The following CDH13 variants were observed in gnomAD, a reference collection of about 807,000 sequenced individuals.
CDH13 encodes cadherin 13, also known as cadherin-13.
CDH13 carries 24 observed loss-of-function variants against 63.8 expected under a neutral mutation model. The observed-to-expected ratio is 0.38, with a 90% confidence interval of 0.27 to 0.53. The LOEUF is 0.53. Among genes scored for constraint, CDH13 ranks in the 20% least tolerant of loss-of-function variants. The pLI is 0.85. For synonymous variants in CDH13, 503 were observed against 355.3 expected, an observed-to-expected ratio of 1.42 and a Z score of -4.67; for missense variants, 1,049 against 903.1, an observed-to-expected ratio of 1.16 and a Z score of -2.07.
rs75877443 is a variant in CDH13, at chr16:82,714,338, C to T, written c.45+87201C>T. Among the ~76,000 whole-genome samples, 7 of 152,194 alleles carry T rather than the reference C, an allele frequency of 4.6e-5. No individual in the cohort carries two copies. In the East Asian group the frequency reaches 1.4e-3, roughly 29 times the overall value. Reference sequence around the variant, plus strand: ...GATCTGTAAATGTAACACTATTTGGCAACAGGGTCTTTGCAGATAATCAAA... The same window carrying T: ...GATCTGTAAATGTAACACTATTTGGTAACAGGGTCTTTGCAGATAATCAAA... On this transcript the variant is annotated intron_variant, in intron 1 of 13. Coordinates refer to ENST00000567109, the MANE Select transcript of CDH13 (RefSeq NM_001257.5).
intron 4 of CDH13, among the ~76,000 whole-genome samples, chr16:83,148,311 G>A (rs1435401441): frequency 2.7e-5 from 4 of 147,560 alleles, no homozygotes; most frequent in Admixed American, 2.7e-4. Flanking sequence ...GTGGTACCAT[G>A]TAGACAACAT....
chr16:83,560,822 G>T (rs1192521401), intron 7 of CDH13, among the ~76,000 whole-genome samples: 1 of 151,928 alleles, frequency 6.6e-6, no homozygotes, highest in Non-Finnish European at 1.5e-5. Flanking sequence ...ATATGAGTTG[G>T]TTCCCCTTTG....
chr16:83,568,190 G>C lies in CDH13; in HGVS notation c.961-34264G>C, dbSNP rs1441052945. Among the ~76,000 whole-genome samples the C allele has an allele frequency of 2.9e-4, 43 of 149,484 alleles. 1 individual carries two copies. Among genetic ancestry groups the C allele is most frequent in the Admixed American group, 2.8e-3 (42 of 15,092 alleles). ...AAATGACACTCACCCCAAAACAAAA[G>C]GAAAAAAAAAAGCTGATCTGATGTA... On this transcript the variant is annotated intron_variant, in intron 7 of 13. Transcript: ENST00000567109.
intron 4 of CDH13, among the ~76,000 whole-genome samples, chr16:83,206,031 T>C (rs1166659950): frequency 6.6e-6 from 1 of 152,162 alleles, no homozygotes; most frequent in Non-Finnish European, 1.5e-5. Flanking sequence ...AGCCTTGTGC[T>C]GGTTACATAT....
intron 3 of CDH13, among the ~76,000 whole-genome samples, chr16:83,082,912 A>G (rs895486226): frequency 6.6e-6 from 1 of 152,252 alleles, no homozygotes; most frequent in Non-Finnish European, 1.5e-5. Flanking sequence ...TGCAAAGGGA[A>G]AAATGATTTA....
In CDH13 at chr16:82,937,472, A is replaced by G. The variant is rs1054131068; in HGVS notation, c.157+78999A>G. ...ACACACACACACACAGTCTAGCTGA[A>G]TCACGAATTCCGTGAGAACAGAGTC... On this transcript the variant is annotated intron_variant, in intron 2 of 13. Transcript: ENST00000567109. Among the ~76,000 whole-genome samples the G allele has an allele frequency of 2.6e-5, 4 of 152,236 alleles. No homozygotes were observed. In the South Asian group the frequency reaches 6.2e-4, roughly 24 times the overall value.
chr16:83,633,468 C>G (rs1168943171), intron 8 of CDH13, among the ~76,000 whole-genome samples: 1 of 152,212 alleles, frequency 6.6e-6, no homozygotes, highest in Non-Finnish European at 1.5e-5. Flanking sequence ...TTCTAACAGT[C>G]TTTCCAGTTA....
At chr16:82,689,496 C>G (rs1437826050) in intron 1 of CDH13, among the ~76,000 whole-genome samples, 3 of 152,104 alleles carry the variant, frequency 2.0e-5, no homozygotes, top group African/African-American at 7.2e-5. Flanking sequence ...ATCTCACAAT[C>G]TAGGTTTATT....
intron 11 of CDH13, among the ~76,000 whole-genome samples, chr16:83,749,653 A>G (rs943489306): frequency 6.6e-6 from 1 of 152,340 alleles, no homozygotes; most frequent in African/African-American, 2.4e-5. Context: ...GACAATGTTC[A>G]GCAACTGAGA....
intron 3 of CDH13, among the ~76,000 whole-genome samples, chr16:83,062,183 G>T (rs572788640): frequency 6.6e-6 from 1 of 152,146 alleles, no homozygotes; most frequent in East Asian, 1.9e-4. Flanking sequence ...TCATTTTACT[G>T]TCTGGTTAAA....
intron 3 of CDH13, among the ~76,000 whole-genome samples, chr16:83,049,236 C>G (rs1399645928): frequency 6.6e-6 from 1 of 151,876 alleles, no homozygotes; most frequent in Non-Finnish European, 1.5e-5. Context: ...GCATGTTCTC[C>G]CTTCCCCAGC....
At chr16:82,975,768 C>T (rs1011131037) in intron 2 of CDH13, among the ~76,000 whole-genome samples, 2 of 152,158 alleles carry the variant, frequency 1.3e-5, no homozygotes, top group African/African-American at 4.8e-5. Flanking sequence ...TATTTATATG[C>T]AAAGGCCTTT....
At chr16:82,921,691 A>G (rs1597217434) in intron 2 of CDH13, among the ~76,000 whole-genome samples, 1 of 152,092 alleles carries the variant, frequency 6.6e-6, no homozygotes, top group Non-Finnish European at 1.5e-5. Flanking sequence ...CCTGAGAGAT[A>G]TTGGTCTTTT....
intron 7 of CDH13, among the ~76,000 whole-genome samples, chr16:83,495,536 A>G (rs1211270399): frequency 5.9e-5 from 9 of 152,202 alleles, no homozygotes; most frequent in Non-Finnish European, 1.2e-4. Context: ...GATCAAGAAA[A>G]AGGCATGAGA....
rs144509766 is a variant in CDH13 at position 82,721,903 on chromosome 16, C to T, written c.45+94766C>T. On this transcript the variant is annotated intron_variant, in intron 1 of 13. Coordinates refer to ENST00000567109, the MANE Select transcript of CDH13 (RefSeq NM_001257.5). ...CCAGTTAGACTACACTATGCTGTGG[C>T]AGTGGGAATGGAAGGACCTGATGTG... Among the ~76,000 whole-genome samples the T allele has an allele frequency of 5.3e-3, 808 of 152,022 alleles. 4 individuals are homozygous for T. The highest frequency in any genetic ancestry group is 0.021 in the Middle Eastern group (6 of 292).
intron 3 of CDH13, 120 bp downstream of exon 3, chr16:83,032,338 G>T (rs1437663928): frequency 2.7e-6 from 2 of 754,706 alleles, no homozygotes; most frequent in South Asian, 2.0e-5. Context: ...TATTGTTGTT[G>T]CAAATGACAG....
chr16:83,097,092 C>G lies in CDH13; in HGVS notation c.367-28293C>G, dbSNP rs1260059066. Among the ~76,000 whole-genome samples the G allele has an allele frequency of 2.0e-5, 3 of 152,308 alleles. No homozygotes were observed. The East Asian group carries it at 5.8e-4, about 29-fold the overall frequency. ...CTCTGTGTACTGTGGACAAGTTGCT[C>G]AACCTCATTCAAACTCAGTTTTTCT... is the stretch of plus-strand genomic sequence containing the variant. On this transcript the variant is annotated intron_variant, in intron 3 of 13. Transcript: ENST00000567109.
intron 10 of CDH13, among the ~76,000 whole-genome samples, chr16:83,715,550 G>A (rs1453611788): frequency 6.6e-6 from 1 of 152,160 alleles, no homozygotes; most frequent in Non-Finnish European, 1.5e-5. Flanking sequence ...ATACTATCCT[G>A]TGTCTTAAAT....
intron 4 of CDH13, among the ~76,000 whole-genome samples, chr16:83,173,974 C>T (rs1411137994): frequency 6.6e-6 from 1 of 152,046 alleles, no homozygotes; most frequent in African/African-American, 2.4e-5. Context: ...ATCACACCAG[C>T]ATGTAGAGAT....
Sources: allele counts gnomAD v4.1 joint callset (sites outside exome capture counted in the v4.1 genomes callset), GRCh38; gene constraint gnomAD v4.1.1; transcripts MANE v1.5; gene names NCBI Gene and HGNC (gene_info 2026-07-23, HGNC 2026-07-21).